The following GSE1 variants were observed in gnomAD, a reference collection of about 807,000 sequenced individuals.
GSE1 encodes Gse1 coiled-coil protein.
A neutral mutation model predicts 112.6 loss-of-function variants in GSE1; 32 were observed. The ratio of observed to expected loss-of-function variants is 0.28; its 90% confidence interval spans 0.21 to 0.38. GSE1 has a LOEUF of 0.38. Ranked by LOEUF, GSE1 falls within the 10% of genes least tolerant of loss-of-function variation. GSE1 has a pLI of 1.00. For missense variants in GSE1, 2,348 were observed against 1,699.2 expected (o/e 1.38, Z -6.71); for synonymous variants, 1,115 against 735.6 (o/e 1.52, Z -8.35).
At chr16:85,186,021 G>A (rs2074693106) in intron 1 of GSE1, among the ~76,000 whole-genome samples, 3 of 152,346 alleles carry the variant, frequency 2.0e-5, no homozygotes, top group South Asian at 2.1e-4. Flanking sequence ...ATGGAAGCCA[G>A]CGCGAGAGAC....
At chr16:85,573,499 C>T (rs1474843305) in intron 1 of GSE1, among the ~76,000 whole-genome samples, 1 of 152,186 alleles carries the variant, frequency 6.6e-6, no homozygotes, top group African/African-American at 2.4e-5. Flanking sequence ...GACTGCTGCA[C>T]CTTCTGGTAA....
chr16:85,655,528 C>A (rs2151926948), intron 5 of GSE1, among the ~76,000 whole-genome samples, 198 bp from the exon 6 acceptor site: 1 of 152,314 alleles, frequency 6.6e-6, no homozygotes, highest in East Asian at 1.9e-4. Flanking sequence ...CCCTGGAACC[C>A]CAAGCTGTCG....
chr16:85,374,641 G>A (rs1028662232), intron 2 of GSE1, among the ~76,000 whole-genome samples: 2 of 152,150 alleles, frequency 1.3e-5, no homozygotes, highest in Admixed American at 6.5e-5. Context: ...GGGCAGTAGC[G>A]TGGAGGCAAT....
chr16:85,578,492 C>T (rs770105968), intron 1 of GSE1, among the ~76,000 whole-genome samples: 2 of 152,328 alleles, frequency 1.3e-5, no homozygotes, highest in Admixed American at 6.5e-5. Context: ...CTCCCTTTCC[C>T]GACTTTCTCT....
chr16:85,415,711 G>A (rs35660923), intron 2 of GSE1, among the ~76,000 whole-genome samples: 21,841 of 152,242 alleles, frequency 0.14, 1,652 homozygotes, highest in Middle Eastern at 0.24. Flanking sequence ...GGCGCAGCCC[G>A]GGTCGGCCTC....
chr16:85,245,786 T>C (rs1221308575), intron 1 of GSE1, among the ~76,000 whole-genome samples: 1 of 152,118 alleles, frequency 6.6e-6, no homozygotes, highest in Non-Finnish European at 1.5e-5. Flanking sequence ...CTTGTCCAGC[T>C]CTGGCAGTTC....
At chr16:85,441,001 A>G (rs2049362698) in intron 2 of GSE1, among the ~76,000 whole-genome samples, 1 of 152,216 alleles carries the variant, frequency 6.6e-6, no homozygotes, top group African/African-American at 2.4e-5. Flanking sequence ...CGGGAGGCCA[A>G]CGCATATGCT....
At chr16:85,434,094 C>A (rs1355970464) in intron 2 of GSE1, among the ~76,000 whole-genome samples, 2 of 152,132 alleles carry the variant, frequency 1.3e-5, no homozygotes, top group Non-Finnish European at 2.9e-5. Flanking sequence ...GTATCAAAGT[C>A]TGAAGGACTG....
chr16:85,604,780 T>TAC (rs1567638125), intron 1 of GSE1, among the ~76,000 whole-genome samples: 1 of 958 alleles, frequency 1.0e-3, no homozygotes, highest in African/African-American at 2.6e-3. Context: ...AAAAAATATA[T>TAC]ATATATATAT....
intron 1 of GSE1, among the ~76,000 whole-genome samples, chr16:85,625,357 G>A (rs1237006830): frequency 1.3e-5 from 2 of 152,214 alleles, no homozygotes; most frequent in Admixed American, 6.5e-5. Flanking sequence ...AACCTCAGTC[G>A]CAGGACCGTC....
At chr16:85,234,916 T>C (rs1597864230) in intron 1 of GSE1, among the ~76,000 whole-genome samples, 1 of 152,198 alleles carries the variant, frequency 6.6e-6, no homozygotes, top group East Asian at 1.9e-4. Context: ...GGCGCCTTTA[T>C]CTACTGCGGA....
At chr16:85,606,364 C>T (rs758380358) in intron 1 of GSE1, among the ~76,000 whole-genome samples, 3 of 152,340 alleles carry the variant, frequency 2.0e-5, no homozygotes, top group Non-Finnish European at 4.4e-5. Flanking sequence ...CGGACTTCTC[C>T]GAGCTCCACA....
chr16:85,523,795 G>A (rs1041526063), intron 2 of GSE1, among the ~76,000 whole-genome samples: 3 of 152,248 alleles, frequency 2.0e-5, no homozygotes, highest in Non-Finnish European at 4.4e-5. Context: ...CCCAGGAGAG[G>A]GGCTGGCCCT....
At chr16:85,515,313 T>G (rs1598025618) in intron 2 of GSE1, among the ~76,000 whole-genome samples, 2 of 152,252 alleles carry the variant, frequency 1.3e-5, no homozygotes, top group Non-Finnish European at 2.9e-5. Flanking sequence ...GGGCCTGGTC[T>G]CAGCCCACGC....
chr16:85,669,762 A>G lies in GSE1; in HGVS notation c.3416-1233A>G, dbSNP rs567926428. 5.9e-5 allele frequency among the ~76,000 whole-genome samples: 9 copies of G among 151,854 alleles called. No homozygotes were observed. In the South Asian group the frequency reaches 1.9e-3, roughly 32 times the overall value. ...CTTTTTCCTGTTCTGCGTAGGATTC[A>G]TGTGTGTGTACAGAGTAAGGCAGAA... On this transcript the variant is annotated intron_variant, in intron 14 of 15. Transcript: ENST00000253458.
At chr16:85,566,179 T>C (rs2045739455) in intron 1 of GSE1, among the ~76,000 whole-genome samples, 1 of 152,150 alleles carries the variant, frequency 6.6e-6, no homozygotes, top group Admixed American at 6.5e-5. Flanking sequence ...GCTGTCATGC[T>C]CCCAGCTGCA....
chr16:85,262,464 C>A (rs1222832780), intron 1 of GSE1, among the ~76,000 whole-genome samples: 1 of 152,216 alleles, frequency 6.6e-6, no homozygotes, highest in African/African-American at 2.4e-5. Flanking sequence ...ATCGTCACGG[C>A]CCTGAAGCCG....
chr16:85,408,108 CCTCA>C (rs1344940228), intron 2 of GSE1, among the ~76,000 whole-genome samples: 3 of 48,388 alleles, frequency 6.2e-5, no homozygotes, highest in Non-Finnish European at 1.3e-4. Context: ...CCTGGATAAT[CCTCA>C]CTGTTACTCT....
intron 1 of GSE1, among the ~76,000 whole-genome samples, chr16:85,596,242 G>A (rs183367601): frequency 4.6e-5 from 7 of 152,162 alleles, no homozygotes; most frequent in South Asian, 2.1e-4. Context: ...TCCGCCTAAC[G>A]TGAGGGGAGG....
Sources: gnomAD v4.1 joint callset for allele counts (sites outside exome capture counted in the v4.1 genomes callset) on GRCh38, gnomAD v4.1.1 for gene constraint, MANE v1.5 for transcripts, NCBI Gene and HGNC (gene_info 2026-07-23, HGNC 2026-07-21) for gene names.